Variants in GSE1 observed in about 807,000 individuals in gnomAD.
The protein encoded by GSE1 is Gse1 coiled-coil protein, also known as genetic suppressor element 1.
In GSE1, 32 loss-of-function variants were observed where a neutral mutation model predicts 112.6. The ratio of observed to expected loss-of-function variants is 0.28; its 90% CI spans 0.21 to 0.38. The LOEUF is 0.38. GSE1 is among the 10% of genes least tolerant of loss of function. The pLI, the probability that GSE1 is intolerant of heterozygous loss-of-function variation, is 1.00. For synonymous variants in GSE1, 1,115 were observed against 735.6 expected, an observed-to-expected ratio of 1.52 and a Z score of -8.35; for missense variants, 2,348 against 1,699.2, an observed-to-expected ratio of 1.38 and a Z score of -6.71.
intron 1 of GSE1, among the ~76,000 whole-genome samples, chr16:85,277,237 G>A (rs1909457212): frequency 6.6e-6 from 1 of 152,188 alleles, no homozygotes; most frequent in South Asian, 2.1e-4. Flanking sequence ...CCCAAGGAGG[G>A]AAGGAGATTT....
At chr16:85,360,970 T>C (rs900747) in intron 2 of GSE1, among the ~76,000 whole-genome samples, 57,708 of 151,454 alleles carry the variant, frequency 0.38, 11,249 homozygotes, top group East Asian at 0.58. Flanking sequence ...ACCACAAACA[T>C]ACCACACACA....
chr16:85,669,525 C>A (rs1268223393), intron 14 of GSE1, among the ~76,000 whole-genome samples: 1 of 152,190 alleles, frequency 6.6e-6, no homozygotes, highest in Non-Finnish European at 1.5e-5. Flanking sequence ...CCCGTGGAAT[C>A]TTTGAGTTTA....
chr16:85,268,848 C>T (rs1908533155), intron 1 of GSE1, among the ~76,000 whole-genome samples: 1 of 152,154 alleles, frequency 6.6e-6, no homozygotes. Flanking sequence ...GTGCTCTCTC[C>T]ACACTCAAAG....
chr16:85,375,459 G>A (rs1414353180), intron 2 of GSE1, among the ~76,000 whole-genome samples: 3 of 152,336 alleles, frequency 2.0e-5, no homozygotes, highest in African/African-American at 7.2e-5. Flanking sequence ...TATCTGGGAA[G>A]CAGCGGGTGT....
intron 2 of GSE1, among the ~76,000 whole-genome samples, chr16:85,475,913 C>T (rs112045076): frequency 1.0e-3 from 154 of 151,968 alleles, no homozygotes; most frequent in African/African-American, 3.5e-3. Context: ...TGTGAGCCAT[C>T]GCAGCGGCCA....
intron 2 of GSE1, among the ~76,000 whole-genome samples, chr16:85,446,508 C>T (rs1286576250): frequency 6.6e-6 from 1 of 152,184 alleles, no homozygotes; most frequent in Admixed American, 6.5e-5. Context: ...TTGCCAGGAG[C>T]CCCCGGTGGG....
chr16:85,671,625 A>T (rs1470796383), intron 15 of GSE1, among the ~76,000 whole-genome samples: 1 of 152,150 alleles, frequency 6.6e-6, no homozygotes, highest in Non-Finnish European at 1.5e-5. Flanking sequence ...CTGAAGGGGT[A>T]AATTCAGACA....
chr16:85,471,418 C>G (rs2050292976), intron 2 of GSE1, among the ~76,000 whole-genome samples: 1 of 152,140 alleles, frequency 6.6e-6, no homozygotes, highest in Admixed American at 6.5e-5. Flanking sequence ...AGTTTTCTTT[C>G]TTTATTACTT....
At chr16:85,607,405 G>A (rs1420600529), upstream of GSE1, among the ~76,000 whole-genome samples, 1 of 152,222 alleles carries the variant, frequency 6.6e-6, no homozygotes, top group Non-Finnish European at 1.5e-5. Flanking sequence ...CCATTCACCA[G>A]GGCTCGGCGG....
intron 2 of GSE1, among the ~76,000 whole-genome samples, chr16:85,646,347 A>C (rs1232877931): frequency 6.6e-6 from 1 of 152,234 alleles, no homozygotes; most frequent in African/African-American, 2.4e-5. Flanking sequence ...ACACCTCCTC[A>C]GATGGCAGCA....
rs1203105742 is a variant in GSE1, at chr16:85,294,667, C to G, written c.2284-62796C>G. On this transcript the variant is annotated intron_variant, in intron 1 of 2. Transcript: ENST00000637419. ...TCTCTCTCTCTCTCTCTGTCTCTCTCTCTCCCCCCCCTTCCCTCCCTCCCC... is the reference window on the plus strand; with the variant it reads ...TCTCTCTCTCTCTCTCTGTCTCTCTGTCTCCCCCCCCTTCCCTCCCTCCCC... Among the ~76,000 whole-genome samples, 170 of 141,012 alleles carry G rather than the reference C, an allele frequency of 1.2e-3. 2 individuals carry two copies. Among genetic ancestry groups the G allele is most frequent in the Non-Finnish European group, 1.5e-3 (95 of 64,722 alleles). 92.5% of individuals were successfully genotyped at this position (141,012 alleles called of 152,430 possible).
intron 1 of GSE1, among the ~76,000 whole-genome samples, chr16:85,246,496 ACACACCC>A (rs1905832688): frequency 2.5e-5 from 1 of 40,422 alleles, no homozygotes; most frequent in Admixed American, 2.1e-4. Context: ...CACACACTCT[ACACACCC>A]CCCCCCCCCC....
chr16:85,204,104 A>G (rs1034914458), intron 1 of GSE1, among the ~76,000 whole-genome samples: 5 of 152,176 alleles, frequency 3.3e-5, no homozygotes, highest in African/African-American at 4.8e-5. Context: ...AAGGATACCC[A>G]TACCTGTTAA....
At chr16:85,186,078 T>G (rs1006889139) in intron 1 of GSE1, among the ~76,000 whole-genome samples, 1 of 152,174 alleles carries the variant, frequency 6.6e-6, no homozygotes, top group African/African-American at 2.4e-5. Flanking sequence ...CCACTGATAC[T>G]GTTCTATGTC....
At chr16:85,426,690 G>GTAAA (rs1555510166) in intron 2 of GSE1, among the ~76,000 whole-genome samples, 2 of 148,542 alleles carry the variant, frequency 1.3e-5, no homozygotes, top group Middle Eastern at 3.3e-3. Flanking sequence ...GGGAGGATGG[G>GTAAA]TAGATGGGTG....
intron 2 of GSE1, among the ~76,000 whole-genome samples, chr16:85,370,995 G>T (rs552692950): frequency 6.6e-6 from 1 of 152,202 alleles, no homozygotes; most frequent in Non-Finnish European, 1.5e-5. Flanking sequence ...TGCGCCCGGC[G>T]GTGGCTGGCT....
intron 1 of GSE1, among the ~76,000 whole-genome samples, chr16:85,570,178 C>T (rs974821877): frequency 3.6e-4 from 55 of 152,202 alleles, no homozygotes; most frequent in Non-Finnish European, 6.3e-4. Flanking sequence ...CTGAGGGCCC[C>T]TTCCAAGGTG....
At chr16:85,302,500 T>C (rs2151463562) in intron 1 of GSE1, among the ~76,000 whole-genome samples, 1 of 151,792 alleles carries the variant, frequency 6.6e-6, no homozygotes, top group Admixed American at 6.6e-5. Context: ...AAGGCTCTTC[T>C]TGACAGTAGG....
chr16:85,550,590 C>T (rs1438895943), intron 2 of GSE1, among the ~76,000 whole-genome samples: 1 of 152,200 alleles, frequency 6.6e-6, no homozygotes, highest in East Asian at 1.9e-4. Flanking sequence ...GGGGTTGTGG[C>T]CTGGTCCTGG....
Sources: gnomAD v4.1 joint callset for allele counts (sites outside exome capture counted in the v4.1 genomes callset) on GRCh38, gnomAD v4.1.1 for gene constraint, MANE v1.5 for transcripts, NCBI Gene and HGNC (gene_info 2026-07-23, HGNC 2026-07-21) for gene names.